BRIP1: variants seen among roughly 807,000 people sequenced by gnomAD.
The protein encoded by BRIP1 is BRCA1 interacting DNA helicase 1.
Under a neutral mutation model 119.7 loss-of-function variants are expected in BRIP1, and 88 were observed. The observed-to-expected ratio is 0.74, with a 90% CI of 0.62 to 0.88. The LOEUF is 0.88. BRIP1 is among the 40% of genes least tolerant of loss of function. The probability of loss-of-function intolerance (pLI) is 0.00; values close to 1 mark genes in which losing one functional copy is unlikely to be tolerated. For synonymous variants in BRIP1, 443 were observed against 496.5 expected (o/e 0.89, Z 1.43); for missense variants, 1,259 against 1,455.4 (o/e 0.87, Z 2.20).
rs139550357 is a variant in BRIP1 at position 61,820,723 on chromosome 17, G to A, written c.628-11966C>T. Among the ~76,000 whole-genome samples, 417 of 152,288 alleles carry A rather than the reference G, an allele frequency of 2.7e-3. 1 individual carries two copies. The highest frequency in any genetic ancestry group is 9.6e-3 in the African/African-American group (399 of 41,558). ...CCAACACTTTGGGAGACCGAGGGGA[G>A]TGGATCACTTGAGGTCAGGAGTTCA... On this transcript the variant is annotated intron_variant, in intron 6 of 19. Coordinates refer to ENST00000259008, the MANE Select transcript of BRIP1 (RefSeq NM_032043.3).
rs1475675249 is a variant in BRIP1 at position 61,816,088 on chromosome 17, A to G, written c.628-7331T>C. On this transcript the variant is annotated intron_variant, in intron 6 of 19. Coordinates refer to ENST00000259008, the MANE Select transcript of BRIP1 (RefSeq NM_032043.3). This position sits in a 1 kb window ranked among gnomAD's most constrained non-coding sequence, Gnocchi z 5.0. Reference sequence around the variant, plus strand: ...GCACAAAGCAGCTGTTTATCCACTCACAGCAACCAGCAGGTGAACCTGATT... The same window carrying G: ...GCACAAAGCAGCTGTTTATCCACTCGCAGCAACCAGCAGGTGAACCTGATT... Among the ~76,000 whole-genome samples the G allele has an allele frequency of 6.6e-6, 1 of 152,182 alleles. No homozygotes were observed.
At chr17:61,782,936 T>C (rs528494331) in intron 11 of BRIP1, among the ~76,000 whole-genome samples, 3 of 152,284 alleles carry the variant, frequency 2.0e-5, no homozygotes, top group Non-Finnish European at 4.4e-5. Context: ...CCCTTGTGCA[T>C]TGATAATGAG....
chr17:61,686,727 TA>T lies in BRIP1; in HGVS notation c.2576-563del, dbSNP rs2061370753. 6.6e-6 allele frequency among the ~76,000 whole-genome samples: 1 copy of T among 152,056 alleles called. No homozygotes were observed. Among genetic ancestry groups the T allele is most frequent in the African/African-American group, 2.4e-5 (1 of 41,422 alleles). On this transcript the variant is annotated intron_variant, in intron 18 of 19. Transcript: ENST00000259008. This position sits in a 1 kb window ranked among gnomAD's most constrained non-coding sequence, Gnocchi z 5.4. The stretch of plus-strand genomic sequence containing the variant: ...ACATCCCTTCTGAATTTTTATGATA[TA>T]ATTATTTTTAATATATAATCAAGTT...
chr17:61,765,019 C>T (rs2077330785), intron 14 of BRIP1, among the ~76,000 whole-genome samples: 1 of 151,842 alleles, frequency 6.6e-6, no homozygotes, highest in African/African-American at 2.4e-5. Context: ...AATAAAGGAG[C>T]TTTTTCTTTC....
In BRIP1 at chr17:61,740,966, C is replaced by A. The variant is rs1036594353; in HGVS notation, c.2379+2047G>T. ...ACTCTTCCTTTCACAATAGATTTCTCTGTGGCATAAGATGCTCTTTGATAG... is the reference window on the plus strand; with the variant it reads ...ACTCTTCCTTTCACAATAGATTTCTATGTGGCATAAGATGCTCTTTGATAG... On this transcript the variant is annotated intron_variant, in intron 16 of 19. Transcript: ENST00000259008. This position sits in a 1 kb window ranked among gnomAD's most constrained non-coding sequence, Gnocchi z 5.4. Among the ~76,000 whole-genome samples the A allele has an allele frequency of 1.3e-5, 2 of 152,164 alleles. No homozygotes were observed. The highest frequency in any genetic ancestry group is 4.8e-5 in the African/African-American group (2 of 41,444).
intron 6 of BRIP1, among the ~76,000 whole-genome samples, chr17:61,840,307 G>A (rs909554300): frequency 2.8e-5 from 4 of 140,522 alleles, no homozygotes; most frequent in East Asian, 2.0e-4. Context: ...GCAGTGAGCC[G>A]AGATCGCCCA....
rs1406910492 is a variant in BRIP1 at position 61,862,671 on chromosome 17, G to A, written c.-31+613C>T. Reference sequence around the variant, plus strand: ...TATATCTCAAGGAAATCAAAATAGCGGGGGAAATTACATGCACTGTTATTA... The same window carrying A: ...TATATCTCAAGGAAATCAAAATAGCAGGGGAAATTACATGCACTGTTATTA... On this transcript the variant is annotated intron_variant, in intron 1 of 19. Coordinates refer to ENST00000259008, the MANE Select transcript of BRIP1 (RefSeq NM_032043.3). This position sits in a 1 kb window ranked among gnomAD's most constrained non-coding sequence, Gnocchi z 5.3. Among the ~76,000 whole-genome samples, 1 of 152,098 alleles carries A rather than the reference G, an allele frequency of 6.6e-6. No individual in the cohort carries two copies. Among genetic ancestry groups the A allele is most frequent in the Non-Finnish European group, 1.5e-5 (1 of 68,028 alleles).
intron 6 of BRIP1, among the ~76,000 whole-genome samples, chr17:61,818,853 A>G (rs1421448325): frequency 1.3e-5 from 2 of 152,180 alleles, no homozygotes; most frequent in East Asian, 3.8e-4. Context: ...AGAAATGCAA[A>G]TCCAAACTAC....
In BRIP1 at chr17:61,708,488, T is replaced by C. The variant is rs1235566064; in HGVS notation, c.2492+7463A>G. 1.3e-5 allele frequency among the ~76,000 whole-genome samples: 2 copies of C among 152,236 alleles called. No homozygotes were observed. The highest frequency in any genetic ancestry group is 2.9e-5 in the Non-Finnish European group (2 of 68,036). ...TTTAGTGGAGGTTGTGGAATCTATCTTCTGTGGATAAGGAGAGACTACTGT... is the reference window on the plus strand; with the variant it reads ...TTTAGTGGAGGTTGTGGAATCTATCCTCTGTGGATAAGGAGAGACTACTGT... On this transcript the variant is annotated intron_variant, in intron 17 of 19. Transcript: ENST00000259008. This position sits in a 1 kb window ranked among gnomAD's most constrained non-coding sequence, Gnocchi z 4.4.
rs375246789 is a variant in BRIP1, at chr17:61,780,982, G to C, written c.1652C>G (p.Ala551Gly). The part of the protein sequence containing the change: ...NSRFADDYKI[A>G]IQQTYSWTNQ... ...TGTCCAGGAGTAAGTCTGTTGAATC[G>C]CAATTTTATAATCATCTGCAAATCT... The change falls in exon 12 of 20, where the codon GCG becomes GGG. Residue 551 changes from alanine to glycine, a missense_variant. Physicochemically the swap from Ala to Gly is moderately conservative, Grantham distance 60 (BLOSUM62 0). This residue lies in a region of BRIP1 where 753 missense variants were observed against 891.8 expected (regional missense o/e 0.84). Transcript: ENST00000259008. This position sits in a 1 kb window ranked among gnomAD's most constrained non-coding sequence, Gnocchi z 5.4. The C allele has an allele frequency of 6.2e-7, 1 of 1,613,764 alleles. No individual in the cohort carries two copies. The highest frequency in any genetic ancestry group is 8.5e-7 in the Non-Finnish European group (1 of 1,179,962).
chr17:61,824,983 C>T lies in BRIP1; in HGVS notation c.628-16226G>A, dbSNP rs2078382581. On this transcript the variant is annotated intron_variant, in intron 6 of 19. Transcript: ENST00000259008. This position sits in a 1 kb window ranked among gnomAD's most constrained non-coding sequence, Gnocchi z 4.3. ...AGCTAGAAGCATTTCCCCTGAAAAC[C>T]AGCACAAGAAAAGGAAGCCCGGCCG... Among the ~76,000 whole-genome samples, 1 of 152,030 alleles carries T rather than the reference C, an allele frequency of 6.6e-6. No homozygotes were observed. Among genetic ancestry groups the T allele is most frequent in the African/African-American group, 2.4e-5 (1 of 41,396 alleles).
intron 16 of BRIP1, among the ~76,000 whole-genome samples, chr17:61,727,790 C>CTATA (rs10567143): frequency 1.5e-4 from 20 of 131,314 alleles, no homozygotes; most frequent in South Asian, 7.0e-4. Context: ...CTCTCTCTCT[C>CTATA]TATATATATA....
intron 10 of BRIP1, among the ~76,000 whole-genome samples, chr17:61,786,856 T>C (rs893947179): frequency 3.9e-5 from 5 of 127,412 alleles, no homozygotes; most frequent in Non-Finnish European, 7.9e-5. Flanking sequence ...ATAAAATATA[T>C]ATTCATATAT....
intron 10 of BRIP1, among the ~76,000 whole-genome samples, chr17:61,788,829 C>T (rs1001863194): frequency 6.6e-6 from 1 of 152,086 alleles, no homozygotes. Context: ...ACGGGTGGCT[C>T]ATGCTTGTAA....
chr17:61,722,941 A>G lies in BRIP1; in HGVS notation c.2380-6878T>C, dbSNP rs1298826698. On this transcript the variant is annotated intron_variant, in intron 16 of 19. Coordinates refer to ENST00000259008, the MANE Select transcript of BRIP1 (RefSeq NM_032043.3). The surrounding 1 kb of genome is among the most constrained non-coding windows in gnomAD (Gnocchi z 4.6). Reference sequence around the variant, plus strand: ...AAGTTTAAAAACCTACAAAAGAACAAAAAACTCCCAAACAAAAAACAAAAC... The same window carrying G: ...AAGTTTAAAAACCTACAAAAGAACAGAAAACTCCCAAACAAAAAACAAAAC... 1.3e-5 allele frequency among the ~76,000 whole-genome samples: 2 copies of G among 152,210 alleles called. No homozygotes were observed. The highest frequency in any genetic ancestry group is 2.9e-5 in the Non-Finnish European group (2 of 68,030).
chr17:61,811,908 C>T (rs1179189967), intron 6 of BRIP1, among the ~76,000 whole-genome samples: 9 of 152,000 alleles, frequency 5.9e-5, no homozygotes, highest in South Asian at 2.1e-4. Flanking sequence ...GCCAAGACCA[C>T]GCCACTGCAC....
rs762815601 is a variant in BRIP1, at chr17:61,738,298, T to C, written c.2379+4715A>G. 3.9e-5 allele frequency among the ~76,000 whole-genome samples: 6 copies of C among 152,288 alleles called. No homozygotes were observed. The highest frequency in any genetic ancestry group is 7.4e-5 in the Non-Finnish European group (5 of 68,022). On this transcript the variant is annotated intron_variant, in intron 16 of 19. Coordinates refer to ENST00000259008, the MANE Select transcript of BRIP1 (RefSeq NM_032043.3). This position sits in a 1 kb window ranked among gnomAD's most constrained non-coding sequence, Gnocchi z 4.2. ...CAGAAGAAGAACTGATCCAGACATA[T>C]GGCAATAAGAAATACACTTCCCAGT... is the stretch of plus-strand genomic sequence containing the variant.
rs2061953753 is a variant in BRIP1 at position 61,720,365 on chromosome 17, C to T, written c.2380-4302G>A. ...ATATGTATCAAAACATCACTATGTA[C>T]CCTATGAATATGTACAATAATTATC... On this transcript the variant is annotated intron_variant, in intron 16 of 19. Transcript: ENST00000259008. The surrounding 1 kb of genome is among the most constrained non-coding windows in gnomAD (Gnocchi z 4.3). Among the ~76,000 whole-genome samples, 3 of 151,992 alleles carry T rather than the reference C, an allele frequency of 2.0e-5. No homozygotes were observed. Among genetic ancestry groups the T allele is most frequent in the African/African-American group, 2.4e-5 (1 of 41,372 alleles).
In BRIP1 at chr17:61,804,884, A is replaced by G. The variant is rs979194618; in HGVS notation, c.919-3410T>C. On this transcript the variant is annotated intron_variant, in intron 7 of 19. Transcript: ENST00000259008. This position sits in a 1 kb window ranked among gnomAD's most constrained non-coding sequence, Gnocchi z 4.5. ...AAATAAAAGATTTCATTACAGGCTGAGCGCACTGGCTCATGCTTATAATCC... is the reference window on the plus strand; with the variant it reads ...AAATAAAAGATTTCATTACAGGCTGGGCGCACTGGCTCATGCTTATAATCC... 2.6e-5 allele frequency among the ~76,000 whole-genome samples: 4 copies of G among 151,734 alleles called. No individual in the cohort carries two copies. The highest frequency in any genetic ancestry group is 7.3e-5 in the African/African-American group (3 of 41,310).
Sources: gnomAD v4.1 joint callset for allele counts (sites outside exome capture counted in the v4.1 genomes callset) on GRCh38, gnomAD v4.1.1 for gene constraint, gnomAD v4.1.1 regional missense constraint, Gnocchi (gnomAD v3.1) non-coding constraint, MANE v1.5 for transcripts, NCBI Gene and HGNC (gene_info 2026-07-23, HGNC 2026-07-21) for gene names.